FLACC1: variants seen among roughly 807,000 people sequenced by gnomAD.
The protein encoded by FLACC1 is flagellum-associated coiled-coil domain-containing protein 1.
A neutral mutation model predicts 62.8 loss-of-function variants in FLACC1; 66 were observed. The ratio of observed to expected loss-of-function variants is 1.05; its 90% confidence interval spans 0.86 to 1.29. The LOEUF (loss-of-function observed/expected upper bound fraction) is 1.29, where lower values mean the gene tolerates loss of function less well. Among genes scored for constraint, FLACC1 ranks in the 50% most tolerant of loss-of-function variants. The probability of loss-of-function intolerance (pLI) is 0.00; values close to 1 mark genes in which losing one functional copy is unlikely to be tolerated. For missense variants in FLACC1, 452 were observed against 489.1 expected (o/e 0.92, Z 0.71); for synonymous variants, 156 against 161.0 (o/e 0.97, Z 0.24).
chr2:201,338,068 A>G (rs10201587), intron 7 of FLACC1, among the ~76,000 whole-genome samples: 72,138 of 152,042 alleles, frequency 0.47, 17,635 homozygotes, highest in South Asian at 0.73. Flanking sequence ...GTCCTCTTCA[A>G]TTTATTACAT....
At position 201,295,823 on chromosome 2, in the gene FLACC1, AC is replaced by A. The variant is rs540056903; in HGVS notation, c.942+3414del. On this transcript the variant is annotated intron_variant, in intron 12 of 14. Coordinates refer to ENST00000392257, the MANE Select transcript of FLACC1 (RefSeq NM_001127391.3). ...ACTCAAACAAATTTACAAGAAAAAA[AC>A]AAACAACCCCATGAACAAGTGGGCA... 1.5e-4 allele frequency among the ~76,000 whole-genome samples: 23 copies of A among 152,322 alleles called. No individual in the cohort carries two copies. The South Asian group carries it at 1.7e-3, about 11-fold the overall frequency.
chr2:201,307,485 CA>C (rs1950129125), intron 11 of FLACC1, 33 bp downstream of exon 11: 1 of 1,528,378 alleles, frequency 6.5e-7, no homozygotes, highest in East Asian at 2.3e-5. Context: ...CTGGACTACC[CA>C]TTCAATCACC....
chr2:201,304,021 A>C (rs1950047923), intron 11 of FLACC1, among the ~76,000 whole-genome samples: 1 of 152,222 alleles, frequency 6.6e-6, no homozygotes, highest in Admixed American at 6.5e-5. Flanking sequence ...AACTGGCAAA[A>C]GACATGGATG....
intron 9 of FLACC1, among the ~76,000 whole-genome samples, chr2:201,318,496 G>A (rs536141347): frequency 8.5e-5 from 13 of 152,108 alleles, no homozygotes; most frequent in Non-Finnish European, 1.9e-4. Context: ...ATGAAAAAGT[G>A]CTCAACATCA....
intron 9 of FLACC1, among the ~76,000 whole-genome samples, chr2:201,328,505 A>C (rs1270166772): frequency 6.6e-6 from 1 of 152,152 alleles, no homozygotes; most frequent in East Asian, 1.9e-4. Flanking sequence ...GGCTCACTGC[A>C]ACCTCTGCCT....
intron 7 of FLACC1, among the ~76,000 whole-genome samples, chr2:201,341,668 A>G (rs1346340802): frequency 1.3e-5 from 2 of 152,050 alleles, no homozygotes. Context: ...TGTGGTGAGA[A>G]CAGCTATAAA....
intron 9 of FLACC1, among the ~76,000 whole-genome samples, chr2:201,322,225 C>T (rs374925870): frequency 5.6e-4 from 84 of 150,280 alleles, no homozygotes; most frequent in African/African-American, 2.0e-3. Context: ...GATCATGACA[C>T]TGCACTCCAG....
At position 201,288,370 on chromosome 2, in the gene FLACC1, A is replaced by C; in HGVS notation, c.*285T>G. On this transcript the variant is annotated 3_prime_UTR_variant, in exon 15 of 15. Transcript: ENST00000392257. The stretch of plus-strand genomic sequence containing the variant: ...AAGTTCAATATGAAGAAGGCCTTCA[A>C]ATCAGTTTCTTTCTAACGAAATACG... The C allele has an allele frequency of 3.6e-6, 1 of 275,310 alleles. No homozygotes were observed. Among genetic ancestry groups the C allele is most frequent in the Non-Finnish European group, 6.8e-6 (1 of 147,448 alleles). The allele number at this position is 275,310 out of a possible 1,614,324, so 17.1% of individuals were successfully genotyped here. A position where few individuals can be genotyped will look rare whatever the true frequency, so the allele number is the denominator to read the frequency against.
chr2:201,350,585 G>T, intron 3 of FLACC1, 126 bp downstream of exon 3: 1 of 761,160 alleles, frequency 1.3e-6, no homozygotes, highest in Non-Finnish European at 2.1e-6. Context: ...AGAGGCTGAG[G>T]CAGGAGAATC....
chr2:201,303,102 G>C (rs1171079727), intron 11 of FLACC1, among the ~76,000 whole-genome samples: 1 of 102,198 alleles, frequency 9.8e-6, no homozygotes, highest in Non-Finnish European at 2.2e-5. Context: ...GAAGGAGATA[G>C]AGACACAAAA....
upstream of FLACC1, among the ~76,000 whole-genome samples, chr2:201,360,415 C>T (rs897726531): frequency 2.6e-5 from 4 of 152,180 alleles, no homozygotes; most frequent in South Asian, 2.1e-4. Context: ...GCAGCATTCA[C>T]GAAGTGGCAA....
upstream of FLACC1, among the ~76,000 whole-genome samples, chr2:201,358,442 A>G (rs1401516857): frequency 3.3e-5 from 4 of 119,842 alleles, no homozygotes; most frequent in Non-Finnish European, 5.0e-5. Flanking sequence ...TTTGAGACGG[A>G]GTCTCGCTCT....
chr2:201,318,871 C>T (rs937777630), intron 9 of FLACC1, among the ~76,000 whole-genome samples: 9 of 152,056 alleles, frequency 5.9e-5, no homozygotes, highest in Non-Finnish European at 1.0e-4. Flanking sequence ...TATGTTCTCA[C>T]TCATAAGTGG....
At chr2:201,340,478 A>C (rs1474260183) in intron 7 of FLACC1, among the ~76,000 whole-genome samples, 4 of 152,234 alleles carry the variant, frequency 2.6e-5, no homozygotes, top group Non-Finnish European at 5.9e-5. Context: ...AGCTGACAAC[A>C]AGTTTAGTTG....
intron 10 of FLACC1, among the ~76,000 whole-genome samples, chr2:201,308,529 C>G (rs1250108685): frequency 1.3e-5 from 2 of 152,132 alleles, no homozygotes; most frequent in Admixed American, 6.5e-5. Flanking sequence ...GTAGAGGTCC[C>G]ACTCCTACCT....
chr2:201,332,118 T>A (rs906605833), intron 7 of FLACC1, among the ~76,000 whole-genome samples: 2 of 152,204 alleles, frequency 1.3e-5, no homozygotes, highest in African/African-American at 4.8e-5. Flanking sequence ...TTTCTTTTTT[T>A]AATTATAAAT....
chr2:201,332,709 C>T (rs1950618502), intron 7 of FLACC1, among the ~76,000 whole-genome samples: 1 of 152,034 alleles, frequency 6.6e-6, no homozygotes, highest in Non-Finnish European at 1.5e-5. Flanking sequence ...CCATCATCTC[C>T]CTATTCCCCC....
intron 11 of FLACC1, among the ~76,000 whole-genome samples, chr2:201,305,479 G>A (rs1486606034): frequency 2.6e-5 from 4 of 152,192 alleles, no homozygotes; most frequent in Admixed American, 2.6e-4. Flanking sequence ...CTTTTACACT[G>A]TTGGTGGGAC....
upstream of FLACC1, among the ~76,000 whole-genome samples, chr2:201,360,428 A>G (rs1951176395): frequency 6.6e-6 from 1 of 152,200 alleles, no homozygotes; most frequent in Non-Finnish European, 1.5e-5. Flanking sequence ...AGTGGCAAAC[A>G]TGGTCAGCTG....
Sources: gnomAD v4.1 joint callset for allele counts (sites outside exome capture counted in the v4.1 genomes callset) on GRCh38, gnomAD v4.1.1 for gene constraint, MANE v1.5 for transcripts, NCBI Gene and HGNC (gene_info 2026-07-23, HGNC 2026-07-21) for gene names.